The following LAMB4 variants were observed in gnomAD, a reference collection of about 807,000 sequenced individuals.
The protein encoded by LAMB4 is laminin subunit beta 4.
LAMB4 carries 196 observed loss-of-function variants against 199.2 expected under a neutral mutation model. The observed-to-expected ratio is 0.98, with a 90% CI of 0.88 to 1.11. The LOEUF is 1.11. LAMB4 is among the 50% of genes least tolerant of loss of function. LAMB4 has a pLI of 0.00. For missense variants in LAMB4, 2,080 were observed against 2,171.2 expected (o/e 0.96, Z 0.83); for synonymous variants, 744 against 770.6 (o/e 0.97, Z 0.57).
chr7:108,119,771 A>T lies in LAMB4; in HGVS notation c.34+3360T>A, dbSNP rs2038536100. The stretch of plus-strand genomic sequence containing the variant: ...ACACGCACACATGAGTACATGTATA[A>T]CTGGTGAAATCTGAATAAGGCCTGT... On this transcript the variant is annotated intron_variant, in intron 2 of 33. Coordinates refer to ENST00000388781, the MANE Select transcript of LAMB4 (RefSeq NM_007356.3). 1.3e-5 allele frequency among the ~76,000 whole-genome samples: 2 copies of T among 152,208 alleles called. 1 individual carries two copies. Among genetic ancestry groups the T allele is most frequent in the South Asian group, 4.1e-4 (2 of 4,830 alleles).
chr7:108,049,297 G>A (rs1274373266), intron 27 of LAMB4, 29 bp downstream of exon 27: 2 of 1,246,474 alleles, frequency 1.6e-6, no homozygotes, highest in South Asian at 1.3e-5. Context: ...AACCACAAAT[G>A]CTTTGACCTT....
At chr7:108,123,735 G>A (rs2038680363) in intron 1 of LAMB4, among the ~76,000 whole-genome samples, 1 of 152,174 alleles carries the variant, frequency 6.6e-6, no homozygotes, top group Non-Finnish European at 1.5e-5. Context: ...ATTTTCAAAA[G>A]TATTATCACA....
At chr7:108,042,937 C>CTATGTGTG (rs1554426273) in intron 29 of LAMB4, among the ~76,000 whole-genome samples, 2 of 140,292 alleles carry the variant, frequency 1.4e-5, no homozygotes, top group African/African-American at 5.5e-5. Flanking sequence ...CTCTCAATCT[C>CTATGTGTG]TGTGTGTGTG....
intron 31 of LAMB4, among the ~76,000 whole-genome samples, chr7:108,031,892 T>C (rs910335561): frequency 3.3e-5 from 5 of 152,228 alleles, no homozygotes; most frequent in African/African-American, 1.2e-4. Flanking sequence ...ATTGATCATA[T>C]CTAGAAGTCC....
chr7:108,026,951 T>A (rs767127342), intron 33 of LAMB4: 2 of 511,690 alleles, frequency 3.9e-6, no homozygotes, highest in East Asian at 1.1e-4. Context: ...TAGAATGCCT[T>A]ATTTTAGACC....
chr7:108,044,757 A>C (rs956314813), intron 28 of LAMB4, among the ~76,000 whole-genome samples: 10 of 152,272 alleles, frequency 6.6e-5, no homozygotes, highest in Admixed American at 5.2e-4. Context: ...GTTCAAGGCC[A>C]GCCTGGCCAA....
At chr7:108,019,490 C>T (rs1044212816), downstream of LAMB4, among the ~76,000 whole-genome samples, 3 of 152,056 alleles carry the variant, frequency 2.0e-5, no homozygotes, top group South Asian at 6.2e-4. Flanking sequence ...AATATATTCA[C>T]AGGTTCTTGA....
intron 1 of LAMB4, among the ~76,000 whole-genome samples, chr7:108,128,822 C>T (rs369119286): frequency 1.3e-5 from 2 of 152,306 alleles, no homozygotes; most frequent in African/African-American, 4.8e-5. Context: ...CTACATGGCA[C>T]TCTTTTCTTG....
At chr7:108,025,049 T>G (rs1207713356) in intron 33 of LAMB4, among the ~76,000 whole-genome samples, 1 of 152,222 alleles carries the variant, frequency 6.6e-6, no homozygotes, top group Non-Finnish European at 1.5e-5. Context: ...AACTAACATG[T>G]GTTTAGAAAA....
chr7:108,049,456 G>A lies in LAMB4; in HGVS notation c.3992C>T (p.Thr1331Ile). 6.3e-7 allele frequency: 1 copy of A among 1,592,716 alleles called. No homozygotes were observed. Among genetic ancestry groups the A allele is most frequent in the Non-Finnish European group, 8.6e-7 (1 of 1,161,570 alleles). The change falls in exon 27 of 34, where the codon ACC (threonine) becomes ATC (isoleucine). Residue 1331 changes from threonine (T) to isoleucine (I), a missense_variant. By Grantham distance (89) the Thr-to-Ile change is moderately conservative (BLOSUM62 -1). Coordinates refer to ENST00000388781, the MANE Select transcript of LAMB4 (RefSeq NM_007356.3). ...AEKKINETSSTINTSANTRND... is the reference protein window; with the variant it reads ...AEKKINETSSIINTSANTRND... ...CCTTGTATTTGCAGAGGTATTAATG[G>A]TGGAACTAGTTTCATTAATTTTCTT...
At chr7:108,057,773 T>C (rs1467685140) in intron 24 of LAMB4, 59 bp downstream of exon 24, 1 of 1,075,082 alleles carries the variant, frequency 9.3e-7, no homozygotes, top group Non-Finnish European at 1.4e-6. Context: ...GTTCATAGCA[T>C]GTCCATGGTA....
intron 14 of LAMB4, among the ~76,000 whole-genome samples, chr7:108,082,810 T>C (rs1384979819): frequency 6.6e-6 from 1 of 152,178 alleles, no homozygotes; most frequent in Non-Finnish European, 1.5e-5. Context: ...AGGGTCATCC[T>C]CAGAGTGCCA....
the LAMB4 span, among the ~76,000 whole-genome samples, chr7:108,015,748 C>CTT: frequency 2.0e-3 from 253 of 123,466 alleles, 1 homozygote; most frequent in African/African-American, 6.8e-3. Flanking sequence ...GTTTTGAAGA[C>CTT]TTTTTTTTTT....
chr7:108,021,862 A>G (rs1003608579), downstream of LAMB4, among the ~76,000 whole-genome samples: 14 of 152,232 alleles, frequency 9.2e-5, no homozygotes, highest in Non-Finnish European at 2.1e-4. Context: ...TTCCAAAGAT[A>G]AGTAGAGGAA....
Position 108,077,011 on chromosome 7 carries a change from A to G in LAMB4, c.2057T>C (p.Ile686Thr), listed in dbSNP as rs746980384. The change falls in exon 17 of 34, where the codon ATA becomes ACA. Residue 686 changes from isoleucine (I) to threonine (T), a missense_variant. By Grantham distance (89) the Ile-to-Thr change is moderately conservative (BLOSUM62 -1). Transcript: ENST00000388781. ...ICLEPDVQYS[I>T]DVYFSQPLQG... ...CAAAGGCTGAGAAAAATAGACATCT[A>G]TGGAATATTGTACATCTGGTTCTAA... 2.1e-5 allele frequency: 34 copies of G among 1,613,792 alleles called. No homozygotes were observed. Among genetic ancestry groups the G allele is most frequent in the Admixed American group, 1.8e-4 (11 of 60,006 alleles).
Position 108,105,929 on chromosome 7 carries a change from T to C in LAMB4, c.758A>G (p.Tyr253Cys), listed in dbSNP as rs1221069821. ...AACAATCATCTCGTACAGAGCATAG[T>C]AGTATTTATCAAGGGAATCATTTTG... is the stretch of plus-strand genomic sequence containing the variant. ...RRQNDSLDKY[Y>C]YALYEMIVRG... Residue 253 changes from tyrosine (Y) to cysteine (C), a missense_variant, in exon 8 of 34, where the codon TAC (tyrosine) becomes TGC (cysteine). Tyr to Cys is a radical substitution (Grantham distance 194, BLOSUM62 -2). Coordinates refer to ENST00000388781, the MANE Select transcript of LAMB4 (RefSeq NM_007356.3). The C allele has an allele frequency of 1.9e-6, 3 of 1,614,178 alleles. No individual in the cohort carries two copies. Among genetic ancestry groups the C allele is most frequent in the Admixed American group, 1.7e-5 (1 of 60,030 alleles).
chr7:108,111,143 G>A (rs1478595882), intron 4 of LAMB4, among the ~76,000 whole-genome samples: 1 of 152,196 alleles, frequency 6.6e-6, no homozygotes, highest in Non-Finnish European at 1.5e-5. Flanking sequence ...CATTAGGAAA[G>A]TCCGGCCTGG....
the LAMB4 span, among the ~76,000 whole-genome samples, chr7:108,013,664 C>T: frequency 2.6e-5 from 4 of 152,242 alleles, no homozygotes; most frequent in African/African-American, 9.6e-5. Context: ...AAAATTGCCC[C>T]ATTCTGGAGG....
intron 30 of LAMB4, among the ~76,000 whole-genome samples, chr7:108,035,829 G>T (rs892801540): frequency 1.3e-5 from 2 of 150,518 alleles, no homozygotes; most frequent in African/African-American, 4.9e-5. Flanking sequence ...AAGAATCTCT[G>T]CCTGTTATTA....
Sources: gnomAD v4.1 joint callset for allele counts (sites outside exome capture counted in the v4.1 genomes callset) on GRCh38, gnomAD v4.1.1 for gene constraint, MANE v1.5 for transcripts, NCBI Gene and HGNC (gene_info 2026-07-23, HGNC 2026-07-21) for gene names.